The following CCSER1 variants were observed in gnomAD, a reference collection of about 807,000 sequenced individuals.
CCSER1 encodes coiled-coil serine rich protein 1.
In CCSER1, 41 loss-of-function variants were observed where a neutral mutation model predicts 82.0. That is an observed-to-expected ratio of 0.50 (90% CI 0.39 to 0.65). The LOEUF (loss-of-function observed/expected upper bound fraction) is 0.65, where lower values mean the gene tolerates loss of function less well. Among genes scored for constraint, CCSER1 ranks in the 30% least tolerant of loss-of-function variants. The pLI is 0.00. For synonymous variants in CCSER1, 414 were observed against 383.9 expected, an observed-to-expected ratio of 1.08 and a Z score of -0.92; for missense variants, 1,119 against 1,064.2, an observed-to-expected ratio of 1.05 and a Z score of -0.72.
At chr4:90,207,502 G>A (rs1307705030) in intron 1 of CCSER1, among the ~76,000 whole-genome samples, 3 of 152,120 alleles carry the variant, frequency 2.0e-5, no homozygotes, top group East Asian at 1.9e-4. Context: ...CTGTCAATTC[G>A]TCAAGCTCAT....
intron 5 of CCSER1, among the ~76,000 whole-genome samples, chr4:90,488,565 CTAAG>C (rs1767493928): frequency 6.6e-6 from 1 of 152,056 alleles, no homozygotes; most frequent in African/African-American, 2.4e-5. Flanking sequence ...TAAAAGCCCT[CTAAG>C]TATGAATCTA....
chr4:90,274,843 A>G (rs1307602711), intron 1 of CCSER1, among the ~76,000 whole-genome samples: 1 of 152,172 alleles, frequency 6.6e-6, no homozygotes, highest in African/African-American at 2.4e-5. Context: ...ACATATCAAA[A>G]GGAAAAGATC....
Position 90,529,445 on chromosome 4 carries a change from G to A in CCSER1, c.1724+61091G>A, listed in dbSNP as rs191276828. Among the ~76,000 whole-genome samples the A allele has an allele frequency of 4.5e-3, 685 of 152,202 alleles. 4 individuals carry two copies. Among genetic ancestry groups the A allele is most frequent in the Non-Finnish European group, 6.9e-3 (470 of 68,010 alleles). On this transcript the variant is annotated intron_variant, in intron 5 of 10. Transcript: ENST00000509176. ...AAGTTTCACCATGTTGGCTAAGCTG[G>A]TCTTGAACTCCTGGCCTCAAGTGAT...
intron 10 of CCSER1, among the ~76,000 whole-genome samples, chr4:91,123,466 T>C (rs1727258703): frequency 6.6e-6 from 1 of 151,752 alleles, no homozygotes; most frequent in Non-Finnish European, 1.5e-5. Context: ...TTGTATTTAA[T>C]TGATTAAGAT....
chr4:90,716,369 C>A (rs552146264), intron 6 of CCSER1, among the ~76,000 whole-genome samples: 1 of 151,918 alleles, frequency 6.6e-6, no homozygotes, highest in South Asian at 2.1e-4. Flanking sequence ...GTTCCCAATT[C>A]AAAAATATAT....
intron 5 of CCSER1, among the ~76,000 whole-genome samples, chr4:90,505,419 A>G (rs1770549467): frequency 6.6e-6 from 1 of 152,172 alleles, no homozygotes; most frequent in Non-Finnish European, 1.5e-5. Flanking sequence ...AATCTAGACT[A>G]TGGGAGACCC....
At chr4:90,776,930 C>T (rs1197264379) in intron 7 of CCSER1, among the ~76,000 whole-genome samples, 1 of 152,156 alleles carries the variant, frequency 6.6e-6, no homozygotes, top group Non-Finnish European at 1.5e-5. Context: ...CCATTCTCAA[C>T]CATAAGCTTA....
At chr4:91,540,844 T>C (rs1761554504) in intron 10 of CCSER1, among the ~76,000 whole-genome samples, 1 of 152,174 alleles carries the variant, frequency 6.6e-6, no homozygotes, top group Non-Finnish European at 1.5e-5. Flanking sequence ...TTTCAAAAGA[T>C]CAGTTGATTA....
At chr4:91,495,320 A>T (rs1758742901) in intron 10 of CCSER1, among the ~76,000 whole-genome samples, 1 of 151,524 alleles carries the variant, frequency 6.6e-6, no homozygotes, top group Non-Finnish European at 1.5e-5. Flanking sequence ...AGTTTGACAA[A>T]CTGTTAAAAA....
At chr4:90,282,739 C>A (rs1315574427) in intron 1 of CCSER1, among the ~76,000 whole-genome samples, 1 of 151,934 alleles carries the variant, frequency 6.6e-6, no homozygotes, top group East Asian at 1.9e-4. Context: ...CATTAGGTTA[C>A]TATAGAGGCT....
chr4:91,108,584 C>T (rs571146277), intron 10 of CCSER1, among the ~76,000 whole-genome samples: 15 of 152,258 alleles, frequency 9.9e-5, no homozygotes, highest in Admixed American at 2.6e-4. Context: ...TATACTCTGA[C>T]GTATAGTACT....
intron 3 of CCSER1, among the ~76,000 whole-genome samples, chr4:90,376,441 G>A (rs759954826): frequency 2.0e-5 from 3 of 152,142 alleles, no homozygotes; most frequent in Non-Finnish European, 4.4e-5. Context: ...CCAAAGCTGA[G>A]CCTGTGTGAT....
At chr4:91,407,375 T>A (rs569777577) in intron 10 of CCSER1, among the ~76,000 whole-genome samples, 1 of 152,280 alleles carries the variant, frequency 6.6e-6, no homozygotes, top group East Asian at 1.9e-4. Flanking sequence ...TTTATACGCA[T>A]CCTGTACCCG....
rs1723610746 is a variant in CCSER1 at position 91,088,525 on chromosome 4, C to T, written c.2217+2531C>T. ...GGAGAAGTGATTAAAATGTAAATTA[C>T]TTTTCTGAAGGAAATAGAGATAGGT... On this transcript the variant is annotated intron_variant, in intron 10 of 10. Transcript: ENST00000509176. Among the ~76,000 whole-genome samples, 4 of 152,104 alleles carry T rather than the reference C, an allele frequency of 2.6e-5. No individual in the cohort carries two copies. The South Asian group carries it at 8.3e-4, about 31-fold the overall frequency.
At chr4:90,332,570 A>C (rs1019881176) in intron 3 of CCSER1, among the ~76,000 whole-genome samples, 11 of 152,150 alleles carry the variant, frequency 7.2e-5, no homozygotes, top group African/African-American at 2.7e-4. Flanking sequence ...AGTTACAAGG[A>C]AGTTAGATGG....
intron 10 of CCSER1, among the ~76,000 whole-genome samples, chr4:91,401,182 C>T (rs12648320): frequency 1.3e-5 from 2 of 150,850 alleles, no homozygotes; most frequent in Admixed American, 1.3e-4. Context: ...TGACTTTCAG[C>T]CATTAAAATA....
intron 1 of CCSER1, among the ~76,000 whole-genome samples, chr4:90,274,336 A>T (rs1285242064): frequency 6.6e-6 from 1 of 152,156 alleles, no homozygotes; most frequent in Non-Finnish European, 1.5e-5. Flanking sequence ...GGAATACTGG[A>T]CTTTGGAAAA....
chr4:91,216,196 C>A (rs1012240000), intron 10 of CCSER1, among the ~76,000 whole-genome samples: 1 of 152,206 alleles, frequency 6.6e-6, no homozygotes, highest in Non-Finnish European at 1.5e-5. Context: ...CCTCCCATAC[C>A]TGCCTCCTCC....
At chr4:90,198,855 T>G (rs2153403168) in intron 1 of CCSER1, among the ~76,000 whole-genome samples, 1 of 152,144 alleles carries the variant, frequency 6.6e-6, no homozygotes, top group Middle Eastern at 3.4e-3. Flanking sequence ...TATGCTAATA[T>G]AAATGTTTTG....
Sources: allele counts gnomAD v4.1 joint callset (sites outside exome capture counted in the v4.1 genomes callset), GRCh38; gene constraint gnomAD v4.1.1; transcripts MANE v1.5; gene names NCBI Gene and HGNC (gene_info 2026-07-23, HGNC 2026-07-21).